The following ELK3 variants were observed in gnomAD, a reference collection of about 807,000 sequenced individuals.
The protein encoded by ELK3 is ETS domain-containing protein Elk-3.
A neutral mutation model predicts 28.9 loss-of-function variants in ELK3; 10 were observed. The ratio of observed to expected loss-of-function variants is 0.35; its 90% CI spans 0.21 to 0.59. The LOEUF is 0.59. ELK3 is among the 20% of genes least tolerant of loss of function. The probability of loss-of-function intolerance (pLI) is 0.82; values close to 1 mark genes in which losing one functional copy is unlikely to be tolerated. For synonymous variants in ELK3, 272 were observed against 243.5 expected, an observed-to-expected ratio of 1.12 and a Z score of -1.09; for missense variants, 463 against 517.3, an observed-to-expected ratio of 0.90 and a Z score of 1.02.
intron 1 of ELK3, among the ~76,000 whole-genome samples, chr12:96,215,454 A>C (rs1951606284): frequency 6.6e-6 from 1 of 152,134 alleles, no homozygotes; most frequent in Admixed American, 6.6e-5. Flanking sequence ...GGACACCTGA[A>C]GCTGGGATCG....
intron 3 of ELK3, among the ~76,000 whole-genome samples, chr12:96,257,678 T>C (rs1345139416): frequency 6.6e-6 from 1 of 152,222 alleles, no homozygotes; most frequent in Non-Finnish European, 1.5e-5. Flanking sequence ...ATGTGACATA[T>C]TGAGGTTGGA....
chr12:96,241,901 G>A (rs1013291865), intron 2 of ELK3, among the ~76,000 whole-genome samples: 2 of 152,210 alleles, frequency 1.3e-5, no homozygotes, highest in East Asian at 1.9e-4. Context: ...CTTGCTGCCC[G>A]TAACCTCACA....
intron 2 of ELK3, among the ~76,000 whole-genome samples, chr12:96,238,777 C>T (rs975236241): frequency 2.0e-5 from 3 of 152,256 alleles, no homozygotes; most frequent in South Asian, 2.1e-4. Context: ...CTCTTCCGCC[C>T]GAAGAGCTAG....
At chr12:96,249,948 G>C (rs1054020566) in intron 3 of ELK3, among the ~76,000 whole-genome samples, 8 of 152,210 alleles carry the variant, frequency 5.3e-5, no homozygotes. Flanking sequence ...CTTAGGCAGT[G>C]AGGGTGCCTG....
chr12:96,240,948 T>C (rs1341913321), intron 2 of ELK3, among the ~76,000 whole-genome samples: 1 of 152,170 alleles, frequency 6.6e-6, no homozygotes, highest in Non-Finnish European at 1.5e-5. Flanking sequence ...GCAGCAAATA[T>C]TTGCCACGTA....
chr12:96,202,880 T>G (rs1363640327), intron 1 of ELK3, among the ~76,000 whole-genome samples: 12 of 151,526 alleles, frequency 7.9e-5, no homozygotes, highest in Admixed American at 7.2e-4. Context: ...TCTCTCCAAA[T>G]TCTTGTTACC....
intron 1 of ELK3, among the ~76,000 whole-genome samples, chr12:96,200,812 G>A (rs557447461): frequency 6.6e-6 from 1 of 152,314 alleles, no homozygotes; most frequent in Admixed American, 6.5e-5. Flanking sequence ...ATAGGCATAT[G>A]CCACCATGCC....
chr12:96,256,728 G>C (rs144528628), intron 3 of ELK3, among the ~76,000 whole-genome samples: 86 of 152,336 alleles, frequency 5.6e-4, no homozygotes, highest in African/African-American at 2.0e-3. Context: ...GTGTTACAAA[G>C]ATTCAGAAAT....
intron 1 of ELK3, chr12:96,213,728 T>TTTTTG (rs1951591577): frequency 6.6e-6 from 1 of 152,182 alleles, no homozygotes; most frequent in Non-Finnish European, 1.5e-5. Flanking sequence ...TCTCTCTTTT[T>TTTTTG]TTTTGTTTTG....
intron 1 of ELK3, among the ~76,000 whole-genome samples, chr12:96,217,753 T>C (rs550829426): frequency 2.6e-5 from 4 of 152,004 alleles, no homozygotes; most frequent in South Asian, 2.1e-4. Context: ...TTGGCCAACA[T>C]GGTGAAACCC....
chr12:96,220,029 C>A (rs1188041604), intron 1 of ELK3, among the ~76,000 whole-genome samples: 3 of 151,846 alleles, frequency 2.0e-5, no homozygotes, highest in Non-Finnish European at 4.4e-5. Context: ...GAGTAATCCT[C>A]TGATGATCCC....
chr12:96,248,037 C>T (rs924485740), intron 3 of ELK3, among the ~76,000 whole-genome samples: 11 of 152,038 alleles, frequency 7.2e-5, no homozygotes, highest in African/African-American at 2.7e-4. Flanking sequence ...CAGCGATTTC[C>T]AAGGGAAAGT....
chr12:96,203,932 CTG>C (rs1242688593), intron 1 of ELK3, among the ~76,000 whole-genome samples: 2 of 152,172 alleles, frequency 1.3e-5, no homozygotes, highest in Non-Finnish European at 2.9e-5. Context: ...CAGAGCGAGA[CTG>C]TGTCTCAAAA....
rs1213834490 is a variant in ELK3 at position 96,267,904 on chromosome 12, G to GTATCT, written c.*731_*735dup. On this transcript the variant is annotated 3_prime_UTR_variant, in exon 5 of 5. Coordinates refer to ENST00000228741, the MANE Select transcript of ELK3 (RefSeq NM_005230.4). ...AGGCTAGCCTCCTTAGCTGTTTACA[G>GTATCT]TATCTTATCTTTTAGATGCCTCCCA... is the stretch of plus-strand genomic sequence containing the variant. 5 of 152,436 alleles carry GTATCT rather than the reference G, an allele frequency of 3.3e-5. No individual in the cohort carries two copies. Among genetic ancestry groups the GTATCT allele is most frequent in the Non-Finnish European group, 5.9e-5 (4 of 68,024 alleles). The allele number at this position is 152,436 out of a possible 1,614,324, so 9.4% of individuals were successfully genotyped here. A position where few individuals can be genotyped will look rare whatever the true frequency, so the allele number is the denominator to read the frequency against.
chr12:96,217,637 T>G (rs1462255023), intron 1 of ELK3, among the ~76,000 whole-genome samples: 1 of 152,104 alleles, frequency 6.6e-6, no homozygotes, highest in Non-Finnish European at 1.5e-5. Context: ...AATTATTTTT[T>G]AACAAACCAA....
chr12:96,210,588 C>T (rs1044920974), intron 1 of ELK3, among the ~76,000 whole-genome samples: 1 of 151,628 alleles, frequency 6.6e-6, no homozygotes, highest in Non-Finnish European at 1.5e-5. Flanking sequence ...CACACACACA[C>T]ACACACACAC....
intron 2 of ELK3, among the ~76,000 whole-genome samples, chr12:96,226,410 C>A (rs1007455084): frequency 2.6e-5 from 4 of 152,248 alleles, no homozygotes; most frequent in African/African-American, 9.6e-5. Flanking sequence ...TGCTCCATGT[C>A]TTTCCTTCTA....
intron 1 of ELK3, chr12:96,212,868 G>A (rs1008484149): frequency 6.6e-6 from 1 of 152,100 alleles, no homozygotes; most frequent in East Asian, 1.9e-4. Flanking sequence ...CGCGGGGGAG[G>A]GGGAAGCAAA....
At chr12:96,237,626 T>C (rs964925429) in intron 2 of ELK3, among the ~76,000 whole-genome samples, 1 of 152,168 alleles carries the variant, frequency 6.6e-6, no homozygotes, top group Non-Finnish European at 1.5e-5. Context: ...TATTCAGTGT[T>C]CACTGAAAGC....
Sources: allele counts gnomAD v4.1 joint callset (sites outside exome capture counted in the v4.1 genomes callset), GRCh38; gene constraint gnomAD v4.1.1; transcripts MANE v1.5; gene names NCBI Gene and HGNC (gene_info 2026-07-23, HGNC 2026-07-21).